Variants in BTNL8 observed in about 807,000 individuals in gnomAD.
The protein encoded by BTNL8 is butyrophilin-like protein 8.
Under a neutral mutation model 36.1 loss-of-function variants are expected in BTNL8, and 22 were observed. The ratio of observed to expected loss-of-function variants is 0.61; its 90% CI spans 0.44 to 0.87. BTNL8 has a LOEUF of 0.87. Ranked by LOEUF, BTNL8 falls within the 40% of genes least tolerant of loss-of-function variation. The pLI, the probability that BTNL8 is intolerant of heterozygous loss-of-function variation, is 0.00. For missense variants in BTNL8, 526 were observed against 616.9 expected, an observed-to-expected ratio of 0.85 and a Z score of 1.56; for synonymous variants, 203 against 235.6, an observed-to-expected ratio of 0.86 and a Z score of 1.27.
At chr5:180,899,479 C>A (rs1194718036) in intron 1 of BTNL8, 120 bp downstream of exon 1, 3 of 1,159,244 alleles carry the variant, frequency 2.6e-6, no homozygotes, top group East Asian at 2.3e-5. Context: ...CTTCTCCTAG[C>A]CTCAGCCTGG....
intron 3 of BTNL8, among the ~76,000 whole-genome samples, chr5:180,924,500 A>G (rs915325958): frequency 1.3e-5 from 2 of 152,206 alleles, no homozygotes; most frequent in Non-Finnish European, 2.9e-5. Context: ...GCAGAGCCCA[A>G]TCAGCAGCAC....
At chr5:180,938,110 A>G (rs1758744443) in intron 3 of BTNL8, among the ~76,000 whole-genome samples, 1 of 152,050 alleles carries the variant, frequency 6.6e-6, no homozygotes, top group South Asian at 2.1e-4. Flanking sequence ...GATAAATCAG[A>G]AGAAAGAATT....
chr5:180,926,320 T>C (rs1206312337), intron 3 of BTNL8, among the ~76,000 whole-genome samples: 1 of 152,168 alleles, frequency 6.6e-6, no homozygotes, highest in African/African-American at 2.4e-5. Flanking sequence ...CCCATGGTCT[T>C]TGCAACTCAT....
rs1446213952 is a variant in BTNL8 at position 180,935,394 on chromosome 5, C to G, written c.674-12118C>G. On this transcript the variant is annotated intron_variant, in intron 3 of 7. Transcript: ENST00000340184. This position sits in a 1 kb window ranked among gnomAD's most constrained non-coding sequence, Gnocchi z 4.8. The stretch of plus-strand genomic sequence containing the variant: ...GCTGCCCTCAGCCATCGTCCTCCCT[C>G]CTGTGCTCACTGGTGCTCAAAGTCC... Among the ~76,000 whole-genome samples, 1 of 152,236 alleles carries G rather than the reference C, an allele frequency of 6.6e-6. No homozygotes were observed. Among genetic ancestry groups the G allele is most frequent in the Non-Finnish European group, 1.5e-5 (1 of 68,042 alleles).
chr5:180,950,759 A>G lies in BTNL8; in HGVS notation c.*215A>G, dbSNP rs1759518993. ...CCATCTGGCTAAGTGATCTTGAAAT[A>G]CCACCTCTCAGGTGAAGAACCGTCA... On this transcript the variant is annotated 3_prime_UTR_variant, in exon 8 of 8. Coordinates refer to ENST00000340184, the MANE Select transcript of BTNL8 (RefSeq NM_001040462.3). 3.7e-6 allele frequency: 2 copies of G among 536,042 alleles called. No individual in the cohort carries two copies. The highest frequency in any genetic ancestry group is 6.6e-6 in the Non-Finnish European group (2 of 303,454). The allele number at this position is 536,042 out of a possible 1,614,324, so 33.2% of individuals were successfully genotyped here.
rs189416490 is a variant in BTNL8 at position 180,902,386 on chromosome 5, G to C, written c.49+3027G>C. 4.0e-4 allele frequency: 623 copies of C among 1,551,014 alleles called. No individual in the cohort carries two copies. The African/African-American group carries it at 7.8e-3, about 19-fold the overall frequency. On this transcript the variant is annotated intron_variant, in intron 1 of 7. Coordinates refer to ENST00000340184, the MANE Select transcript of BTNL8 (RefSeq NM_001040462.3). ...GAATGAAGTAACTGATGTGGACATGGTTTGTCAAATGTAAGGAGATACACA... is the reference window on the plus strand; with the variant it reads ...GAATGAAGTAACTGATGTGGACATGCTTTGTCAAATGTAAGGAGATACACA...
At chr5:180,922,231 T>A (rs940726254) in intron 3 of BTNL8, among the ~76,000 whole-genome samples, 1 of 152,126 alleles carries the variant, frequency 6.6e-6, no homozygotes, top group African/African-American at 2.4e-5. Flanking sequence ...TATCTTCTGC[T>A]AACTTTGGGA....
In BTNL8 at chr5:180,909,014, T is replaced by A. The variant is rs1757258125; in HGVS notation, c.397+81T>A. On this transcript the variant is annotated intron_variant, in intron 2 of 7. Transcript: ENST00000340184. The stretch of plus-strand genomic sequence containing the variant: ...AGTGTTTTTTTCAATAAGGAAATTT[T>A]AAAATTTTAGGTCATTTAGTTAGAA... 28 of 1,426,618 alleles carry A rather than the reference T, an allele frequency of 2.0e-5. No homozygotes were observed. The South Asian group carries it at 2.9e-4, about 15-fold the overall frequency. The allele number at this position is 1,426,618 out of a possible 1,614,324, so 88.4% of individuals were successfully genotyped here. A position where few individuals can be genotyped will look rare whatever the true frequency, so the allele number is the denominator to read the frequency against.
At chr5:180,921,098 AT>A (rs1017581796) in intron 3 of BTNL8, among the ~76,000 whole-genome samples, 2 of 152,102 alleles carry the variant, frequency 1.3e-5, no homozygotes, top group African/African-American at 4.8e-5. Flanking sequence ...GAGCTAATAC[AT>A]TTAGTAAAGT....
At chr5:180,907,782 G>C (rs1378337419) in intron 1 of BTNL8, among the ~76,000 whole-genome samples, 1 of 151,798 alleles carries the variant, frequency 6.6e-6, no homozygotes, top group Non-Finnish European at 1.5e-5. Context: ...CCTGCCGTGT[G>C]AGGTGTCAGT....
chr5:180,937,492 CT>C (rs1758715100), intron 3 of BTNL8, among the ~76,000 whole-genome samples: 1 of 152,138 alleles, frequency 6.6e-6, no homozygotes, highest in Non-Finnish European at 1.5e-5. Context: ...AGGAAAACAT[CT>C]TTGCCTATAA....
chr5:180,947,572 G>A lies in BTNL8; in HGVS notation c.734G>A (p.Cys245Tyr), dbSNP rs753752482. ...LATKVLGILCCGLFFGIVGLK... is the reference protein window; with the variant it reads ...LATKVLGILCYGLFFGIVGLK... Reference sequence around the variant, plus strand: ...ACCAAAGTACTGGGAATACTCTGCTGTGGCCTATTTTTTGGCATTGTTGGA... The same window carrying A: ...ACCAAAGTACTGGGAATACTCTGCTATGGCCTATTTTTTGGCATTGTTGGA... The change falls in exon 4 of 8, where the codon TGT (cysteine) becomes TAT (tyrosine). Residue 245 changes from cysteine (C) to tyrosine (Y), a missense_variant. Cys to Tyr is a radical substitution (Grantham distance 194). Coordinates refer to ENST00000340184, the MANE Select transcript of BTNL8 (RefSeq NM_001040462.3). 1.2e-6 allele frequency: 2 copies of A among 1,614,094 alleles called. No individual in the cohort carries two copies. Among genetic ancestry groups the A allele is most frequent in the South Asian group, 2.2e-5 (2 of 91,078 alleles).
At chr5:180,928,313 T>C (rs1758199857) in intron 3 of BTNL8, among the ~76,000 whole-genome samples, 1 of 152,090 alleles carries the variant, frequency 6.6e-6, no homozygotes, top group South Asian at 2.1e-4. Context: ...CAGACCTGCC[T>C]TACAAGAGCT....
chr5:180,948,551 T>C, intron 5 of BTNL8, 176 bp downstream of exon 5: 1 of 1,569,288 alleles, frequency 6.4e-7, no homozygotes, highest in South Asian at 1.1e-5. Flanking sequence ...CCCTCGGACA[T>C]CTGGAGGGCT....
rs1018602202 is a variant in BTNL8, at chr5:180,911,316, A to G, written c.398-23A>G. 3 of 1,611,546 alleles carry G rather than the reference A, an allele frequency of 1.9e-6. No individual in the cohort carries two copies. In the Admixed American group the frequency reaches 5.0e-5, roughly 27 times the overall value. On this transcript the variant is annotated intron_variant, in intron 2 of 7. Coordinates refer to ENST00000340184, the MANE Select transcript of BTNL8 (RefSeq NM_001040462.3). ...CTTTGGGATGTGATCTTTGCTTTCA[A>G]CCGTTCCCTGTTTTCTCCCCAGCAC...
At chr5:180,925,090 T>G (rs1758035207) in intron 3 of BTNL8, among the ~76,000 whole-genome samples, 1 of 151,992 alleles carries the variant, frequency 6.6e-6, no homozygotes, top group African/African-American at 2.4e-5. Flanking sequence ...ATATTTTAAA[T>G]TATCCAGTCA....
rs564122210 is a variant in BTNL8 at position 180,908,814 on chromosome 5, C to T, written c.278C>T (p.Ala93Val). ...GRTKLVKDSI[A>V]EGRISLRLEN... ...ACAAAACTGGTGAAGGATTCTATTG[C>T]GGAGGGGCGCATCTCTCTGAGGCTG... The change falls in exon 2 of 8, where the codon GCG becomes GTG. Residue 93 changes from alanine (A) to valine (V), a missense_variant. Physicochemically the swap from Ala to Val is moderately conservative, Grantham distance 64. Around this residue, in one of 2 missense-constraint regions of BTNL8, gnomAD observed 350 missense variants for 324.6 expected, o/e 1.08. Transcript: ENST00000340184. The T allele has an allele frequency of 3.7e-5, 60 of 1,614,104 alleles. 1 individual carries two copies. The highest frequency in any genetic ancestry group is 3.3e-4 in the Middle Eastern group (2 of 6,062).
intron 3 of BTNL8, among the ~76,000 whole-genome samples, chr5:180,928,375 A>G (rs973613005): frequency 2.0e-5 from 3 of 152,072 alleles, no homozygotes; most frequent in African/African-American, 4.8e-5. Context: ...AGCCATTGCA[A>G]AAACACACCA....
At chr5:180,946,860 C>A (rs183850711) in intron 3 of BTNL8, among the ~76,000 whole-genome samples, 2 of 152,170 alleles carry the variant, frequency 1.3e-5, no homozygotes, top group East Asian at 3.9e-4. Context: ...AAGAGTCACA[C>A]CGTACCCATT....
Sources: gnomAD v4.1 joint callset for allele counts (sites outside exome capture counted in the v4.1 genomes callset) on GRCh38, gnomAD v4.1.1 for gene constraint, gnomAD v4.1.1 regional missense constraint, Gnocchi (gnomAD v3.1) non-coding constraint, MANE v1.5 for transcripts, NCBI Gene and HGNC (gene_info 2026-07-23, HGNC 2026-07-21) for gene names.